PKNOX2: variants seen among roughly 807,000 people sequenced by gnomAD.
PKNOX2 encodes PBX/knotted 1 homeobox 2, also known as homeobox protein PKNOX2.
PKNOX2 carries 14 observed loss-of-function variants against 53.1 expected under a neutral mutation model. The ratio of observed to expected loss-of-function variants is 0.26; its 90% confidence interval spans 0.17 to 0.41. The LOEUF (loss-of-function observed/expected upper bound fraction) is 0.41, where lower values mean the gene tolerates loss of function less well. Ranked by LOEUF, PKNOX2 falls within the 10% of genes least tolerant of loss-of-function variation. PKNOX2 has a pLI of 1.00. For synonymous variants in PKNOX2, 257 were observed against 242.8 expected (o/e 1.06, Z -0.54); for missense variants, 496 against 602.8 (o/e 0.82, Z 1.85).
chr11:125,358,368 C>T (rs538579974), intron 4 of PKNOX2, among the ~76,000 whole-genome samples: 113 of 152,264 alleles, frequency 7.4e-4, no homozygotes, highest in Middle Eastern at 3.4e-3. Flanking sequence ...CAGAGGGAAG[C>T]GATGGGATGG....
At chr11:125,173,444 G>A (rs1018169913) in intron 1 of PKNOX2, among the ~76,000 whole-genome samples, 5 of 152,112 alleles carry the variant, frequency 3.3e-5, no homozygotes, top group Admixed American at 2.0e-4. Context: ...TATGATGATG[G>A]TTCTTCCTTT....
rs1294237965 is a variant in PKNOX2, at chr11:125,352,133, C to A, written c.87+741C>A. Among the ~76,000 whole-genome samples, 1 of 152,152 alleles carries A rather than the reference C, an allele frequency of 6.6e-6. No individual in the cohort carries two copies. The highest frequency in any genetic ancestry group is 1.5e-5 in the Non-Finnish European group (1 of 68,028). On this transcript the variant is annotated intron_variant, in intron 4 of 12. Coordinates refer to ENST00000298282, the MANE Select transcript of PKNOX2 (RefSeq NM_001382323.2). The surrounding 1 kb of genome is among the most constrained non-coding windows in gnomAD (Gnocchi z 4.1). ...CTTGTGGGGGCTGCCCTCCTACATCCTTTAGACCAGCCGCTTTTCCTTTTT... is the reference window on the plus strand; with the variant it reads ...CTTGTGGGGGCTGCCCTCCTACATCATTTAGACCAGCCGCTTTTCCTTTTT...
intron 1 of PKNOX2, among the ~76,000 whole-genome samples, chr11:125,229,369 G>A (rs983665446): frequency 2.0e-5 from 3 of 152,186 alleles, no homozygotes; most frequent in Admixed American, 1.3e-4. Flanking sequence ...TCCAATGATC[G>A]ACATGTGGAA....
chr11:125,326,191 C>T (rs1949808828), intron 2 of PKNOX2, among the ~76,000 whole-genome samples: 1 of 152,154 alleles, frequency 6.6e-6, no homozygotes, highest in South Asian at 2.1e-4. Flanking sequence ...AGCAGGGGCT[C>T]ACAAAATTGA....
chr11:125,331,346 C>A, intron 2 of PKNOX2, among the ~76,000 whole-genome samples: 1 of 150,358 alleles, frequency 6.7e-6, no homozygotes, highest in Non-Finnish European at 1.5e-5. Context: ...CCACCCTAAC[C>A]CCTCAGTGTC....
intron 2 of PKNOX2, among the ~76,000 whole-genome samples, chr11:125,252,225 G>C (rs529680065): frequency 3.9e-4 from 59 of 152,294 alleles, no homozygotes; most frequent in Middle Eastern, 3.4e-3. Context: ...TAGCCAGAGA[G>C]GGCTTGGCTG....
intron 1 of PKNOX2, among the ~76,000 whole-genome samples, chr11:125,218,286 C>T (rs1025812): frequency 6.6e-6 from 1 of 151,824 alleles, no homozygotes; most frequent in African/African-American, 2.4e-5. Flanking sequence ...AAGACCTTGT[C>T]CCTGCCGTCA....
intron 1 of PKNOX2, among the ~76,000 whole-genome samples, chr11:125,188,471 C>A (rs1956588906): frequency 6.6e-6 from 1 of 152,290 alleles, no homozygotes; most frequent in Middle Eastern, 3.4e-3. Flanking sequence ...AGGTTGTGAG[C>A]CACTGCAAAC....
At chr11:125,181,998 T>C (rs7109490) in intron 1 of PKNOX2, among the ~76,000 whole-genome samples, 62,084 of 152,124 alleles carry the variant, frequency 0.41, 12,753 homozygotes, top group East Asian at 0.47. Context: ...TTGTTGATTG[T>C]GTGACCTGGC....
intron 4 of PKNOX2, 28 bp from the exon 5 acceptor site, chr11:125,367,818 C>T: frequency 1.2e-6 from 2 of 1,602,304 alleles, no homozygotes; most frequent in African/African-American, 1.3e-5. Context: ...CATGCTAACC[C>T]ACCACCTCCC....
intron 6 of PKNOX2, among the ~76,000 whole-genome samples, chr11:125,386,713 AACACACACACACACACAC>A (rs3138544): frequency 3.2e-4 from 45 of 141,132 alleles, no homozygotes; most frequent in African/African-American, 1.0e-3. Context: ...GAAGAAAAAG[AACACACACACACACACAC>A]ACACACACAC....
intron 2 of PKNOX2, among the ~76,000 whole-genome samples, chr11:125,258,385 G>C (rs1565481324): frequency 6.6e-6 from 1 of 151,786 alleles, no homozygotes; most frequent in Admixed American, 6.6e-5. Flanking sequence ...TTTTCTGCAG[G>C]GTCCAGATTT....
chr11:125,283,502 A>T (rs533414532), intron 2 of PKNOX2, among the ~76,000 whole-genome samples: 1 of 152,346 alleles, frequency 6.6e-6, no homozygotes, highest in South Asian at 2.1e-4. Context: ...GAAATATATG[A>T]TGCGTAGGGT....
intron 2 of PKNOX2, among the ~76,000 whole-genome samples, chr11:125,279,965 A>T (rs2135843950): frequency 6.6e-6 from 1 of 152,054 alleles, no homozygotes; most frequent in South Asian, 2.1e-4. Flanking sequence ...ATTATGGGGG[A>T]TTAACTCATT....
At chr11:125,284,390 C>T (rs944950228) in intron 2 of PKNOX2, among the ~76,000 whole-genome samples, 3 of 152,178 alleles carry the variant, frequency 2.0e-5, no homozygotes, top group Non-Finnish European at 2.9e-5. Context: ...CTCAAGGGTG[C>T]GCCTTTACTC....
intron 5 of PKNOX2, among the ~76,000 whole-genome samples, chr11:125,377,931 C>A (rs1952940880): frequency 1.3e-5 from 2 of 152,236 alleles, no homozygotes; most frequent in Non-Finnish European, 1.5e-5. Context: ...GGGTCTGAGG[C>A]CACATGATGA....
chr11:125,178,679 A>AAT (rs1247374251), intron 1 of PKNOX2, among the ~76,000 whole-genome samples: 1 of 85,610 alleles, frequency 1.2e-5, no homozygotes, highest in African/African-American at 6.0e-5. Flanking sequence ...GGAAAGAAAG[A>AAT]GAGAGAGAGA....
chr11:125,419,600 C>A (rs185198430), intron 10 of PKNOX2, among the ~76,000 whole-genome samples: 84 of 151,938 alleles, frequency 5.5e-4, no homozygotes, highest in Non-Finnish European at 8.1e-4. Flanking sequence ...TAATGAAATT[C>A]CACTATTAGA....
chr11:125,410,928 G>C, intron 9 of PKNOX2, 52 bp downstream of exon 9: 1 of 1,487,100 alleles, frequency 6.7e-7, no homozygotes, highest in Non-Finnish European at 9.4e-7. Context: ...TAGGGCACCT[G>C]TAATCGCTTC....
Sources: gnomAD v4.1 joint callset for allele counts (sites outside exome capture counted in the v4.1 genomes callset) on GRCh38, gnomAD v4.1.1 for gene constraint, Gnocchi (gnomAD v3.1) non-coding constraint, MANE v1.5 for transcripts, NCBI Gene and HGNC (gene_info 2026-07-23, HGNC 2026-07-21) for gene names.